Variants in PLAC1 observed in about 807,000 individuals in gnomAD.
PLAC1 encodes the protein placenta associated 1.
For synonymous variants in PLAC1, 68 were observed against 62.1 expected (o/e 1.09, Z -0.44); for missense variants, 136 against 163.2 (o/e 0.83, Z 0.91).
chrX:134,608,405 T>C lies in PLAC1; in HGVS notation c.-130-6283A>G, dbSNP rs988961365. On this transcript the variant is annotated intron_variant, in intron 1 of 2. Coordinates refer to ENST00000359237, the MANE Select transcript of PLAC1 (RefSeq NM_021796.4). ...ATTTGGATAAACCTTGAGAACATTA[T>C]GCTAAGTGAAAGCAGCCAGACACAA... Among the ~76,000 whole-genome samples the C allele has an allele frequency of 3.6e-5, 4 of 112,307 alleles. No individual in the cohort carries two copies. The East Asian group carries it at 8.4e-4, about 24-fold the overall frequency.
chrX:134,580,727 A>G (rs1333357522), intron 2 of PLAC1, among the ~76,000 whole-genome samples: 3 of 111,860 alleles, frequency 2.7e-5, no homozygotes, highest in Non-Finnish European at 5.6e-5. Flanking sequence ...ATTCTGGACC[A>G]CTGTTTCTAT....
intron 1 of PLAC1, among the ~76,000 whole-genome samples, chrX:134,740,199 C>T (rs961344567): frequency 2.7e-5 from 3 of 109,665 alleles, no homozygotes; most frequent in Non-Finnish European, 5.7e-5. Flanking sequence ...TGTCTGTAAT[C>T]CCAGCTACTC....
rs2078684660 is a variant in PLAC1, at chrX:134,730,154, T to C, written n.174+3281A>G. Among the ~76,000 whole-genome samples the C allele has an allele frequency of 3.6e-5, 4 of 111,431 alleles. No individual in the cohort carries two copies. The South Asian group carries it at 1.5e-3, about 42-fold the overall frequency. On this transcript the variant is annotated intron_variant and non_coding_transcript_variant, in intron 2 of 2. Transcript: ENST00000466797. ...ATGAAGATGCACTCTGATCCAGGGG[T>C]GAAAGCACAAGCACATGAGGACCTG...
intron 2 of PLAC1, among the ~76,000 whole-genome samples, chrX:134,664,595 C>A (rs968682018): frequency 8.9e-6 from 1 of 112,290 alleles, no homozygotes; most frequent in African/African-American, 3.2e-5. Flanking sequence ...ACACAGTGAA[C>A]CTGGCTTCCT....
intron 2 of PLAC1, among the ~76,000 whole-genome samples, chrX:134,715,036 C>T (rs1478594998): frequency 8.9e-6 from 1 of 111,977 alleles, no homozygotes; most frequent in East Asian, 2.8e-4. Flanking sequence ...CGTCTTTGAT[C>T]ATCACACCCC....
rs1159509537 is a variant in PLAC1, at chrX:134,566,560, G to C, written c.123C>G (p.Pro41=). The C allele has an allele frequency of 8.3e-7, 1 of 1,211,655 alleles. No homozygotes were observed. Among genetic ancestry groups the C allele is most frequent in the South Asian group, 1.8e-5 (1 of 56,986 alleles). The part of the protein sequence containing the change: ...SIDWFMVTVH[P]FMLNNDVCVH... ...CACACACATCGTTGTTTAGCATGAA[G>C]GGGTGCACTGTGACCATGAACCAGT... is the stretch of plus-strand genomic sequence containing the variant. The change falls in exon 3 of 3, where the codon CCC becomes CCG. Residue 41 remains proline (P), a synonymous_variant. Coordinates refer to ENST00000359237, the MANE Select transcript of PLAC1 (RefSeq NM_021796.4).
chrX:134,619,820 G>T (rs1327545513), intron 1 of PLAC1, among the ~76,000 whole-genome samples: 1 of 111,752 alleles, frequency 8.9e-6, no homozygotes, highest in Non-Finnish European at 1.9e-5. Context: ...CCTGCATGAG[G>T]TACACTTACA....
chrX:134,739,667 G>A (rs548034122), intron 1 of PLAC1, among the ~76,000 whole-genome samples: 1 of 113,160 alleles, frequency 8.8e-6, no homozygotes, highest in Non-Finnish European at 1.9e-5. Context: ...GAATGGCAAT[G>A]TAGAATAAGA....
intron 1 of PLAC1, among the ~76,000 whole-genome samples, chrX:134,644,098 A>G (rs1234749976): frequency 1.8e-5 from 2 of 111,291 alleles, no homozygotes; most frequent in African/African-American, 6.5e-5. Context: ...CCTTAAAGTC[A>G]AGAACAAGAT....
At position 134,573,574 on chromosome X, in the gene PLAC1, C is replaced by T. The variant is rs1420510488; in HGVS notation, c.-58-6834G>A. Among the ~76,000 whole-genome samples, 3 of 111,655 alleles carry T rather than the reference C, an allele frequency of 2.7e-5. No homozygotes were observed. The Admixed American group carries it at 2.9e-4, about 11-fold the overall frequency. On this transcript the variant is annotated intron_variant, in intron 2 of 2. Transcript: ENST00000359237. ...ATCAGATGTTCCTTCAAGGGCTTCA[C>T]CACCTCTTTGATACACCTGTGTCAA...
At chrX:134,763,860 G>GAAAGAAAGAAAGAAAGAAAGAAAGAA (rs1321216252) in intron 1 of PLAC1, among the ~76,000 whole-genome samples, 2 of 92,358 alleles carry the variant, frequency 2.2e-5, no homozygotes, top group African/African-American at 3.9e-5. Context: ...AAGAAAGAAA[G>GAAAGAAAGAAAGAAAGAAAGAAAGAA]AGAAAAGAAA....
Position 134,566,267 on chromosome X carries a change from G to A in PLAC1, c.416C>T (p.Thr139Ile). Residue 139 changes from threonine (T) to isoleucine (I), a missense_variant, in exon 3 of 3, where the codon ACA becomes ATA. Coordinates refer to ENST00000359237, the MANE Select transcript of PLAC1 (RefSeq NM_021796.4). ...GTAGCATTTCTCATCCTTCTGGGCT[G>A]TGGCCCTGCTCTTGCTGGCTACTCT... The part of the protein sequence containing the change: ...SMRVASKSRA[T>I]AQKDEKCYEV... 1 of 1,211,813 alleles carries A rather than the reference G, an allele frequency of 8.3e-7. No individual in the cohort carries two copies.
intron 2 of PLAC1, among the ~76,000 whole-genome samples, chrX:134,681,139 G>A (rs1398289135): frequency 9.0e-6 from 1 of 111,393 alleles, no homozygotes; most frequent in Non-Finnish European, 1.9e-5. Context: ...TTAGGGCATC[G>A]TGGTTTTCAC....
intron 1 of PLAC1, among the ~76,000 whole-genome samples, chrX:134,620,677 A>G (rs770679780): frequency 8.9e-6 from 1 of 111,870 alleles, no homozygotes; most frequent in East Asian, 2.8e-4. Context: ...TACCCTGCCT[A>G]TCTCACAGGA....
chrX:134,567,739 CAGAGAG>C (rs770559094), intron 2 of PLAC1, among the ~76,000 whole-genome samples: 1 of 84,180 alleles, frequency 1.2e-5, no homozygotes, highest in Non-Finnish European at 2.1e-5. Context: ...GCCTGGGCAA[CAGAGAG>C]AGAGAGACTC....
At chrX:134,743,017 G>A (rs1401049287) in intron 1 of PLAC1, among the ~76,000 whole-genome samples, 1 of 111,775 alleles carries the variant, frequency 8.9e-6, no homozygotes, top group Non-Finnish European at 1.9e-5. Flanking sequence ...TTTCACAGCA[G>A]GCCACTCTAG....
chrX:134,685,900 G>T (rs1257037255), intron 2 of PLAC1, among the ~76,000 whole-genome samples: 1 of 111,075 alleles, frequency 9.0e-6, no homozygotes, highest in Non-Finnish European at 1.9e-5. Flanking sequence ...GCAGAGGCCA[G>T]GGAGGATTGA....
At chrX:134,699,128 T>C in intron 2 of PLAC1, among the ~76,000 whole-genome samples, 1 of 112,044 alleles carries the variant, frequency 8.9e-6, no homozygotes, top group Non-Finnish European at 1.9e-5. Flanking sequence ...GGCTACAACA[T>C]TGGCCTCTGA....
intron 2 of PLAC1, among the ~76,000 whole-genome samples, chrX:134,705,035 C>CAT (rs1223622196): frequency 2.1e-5 from 2 of 96,941 alleles, no homozygotes; most frequent in African/African-American, 8.3e-5. Flanking sequence ...CACACACACA[C>CAT]TAATATATAA....
Sources: allele counts gnomAD v4.1 joint callset (sites outside exome capture counted in the v4.1 genomes callset), GRCh38; gene constraint gnomAD v4.1.1; transcripts MANE v1.5; gene names NCBI Gene and HGNC (gene_info 2026-07-23, HGNC 2026-07-21).